The following HECTD4 variants were observed in gnomAD, a reference collection of about 807,000 sequenced individuals.
HECTD4 encodes the protein probable E3 ubiquitin-protein ligase HECTD4.
Under a neutral mutation model 471.5 loss-of-function variants are expected in HECTD4, and 114 were observed. That is an observed-to-expected ratio of 0.24 (90% CI 0.21 to 0.28). The LOEUF (loss-of-function observed/expected upper bound fraction) is 0.28. HECTD4 is among the 10% of genes least tolerant of loss of function. HECTD4 has a pLI of 1.00. For missense variants in HECTD4, 3,866 were observed against 5,651.5 expected, an observed-to-expected ratio of 0.68 and a Z score of 10.13; for synonymous variants, 2,012 against 2,256.0, an observed-to-expected ratio of 0.89 and a Z score of 3.07.
At chr12:112,265,094 T>C (rs2034237668) in intron 16 of HECTD4, 81 bp downstream of exon 16, 9 of 1,317,934 alleles carry the variant, frequency 6.8e-6, no homozygotes, top group Non-Finnish European at 9.4e-6. Flanking sequence ...TCTGTATGTA[T>C]ACACACACCT....
At chr12:112,290,886 A>G (rs1422268636) in intron 7 of HECTD4, among the ~76,000 whole-genome samples, 1 of 151,582 alleles carries the variant, frequency 6.6e-6, no homozygotes, top group East Asian at 2.0e-4. Flanking sequence ...CAAATCACAG[A>G]TAGTTTTGGA....
At position 112,279,333 on chromosome 12, in the gene HECTD4, T is replaced by C; in HGVS notation, c.1582A>G (p.Thr528Ala). The C allele has an allele frequency of 6.2e-7, 1 of 1,612,518 alleles. No homozygotes were observed. The highest frequency in any genetic ancestry group is 8.5e-7 in the Non-Finnish European group (1 of 1,179,590). ...AGCATCACCAAGTAGGTGCCACAGG[T>C]ATATATGGGTGTCTTCCGCAGCATT... ...LKMLRKTPIYTCGTYLVMLVP... is the reference protein window; with the variant it reads ...LKMLRKTPIYACGTYLVMLVP... Residue 528 changes from threonine (T) to alanine (A), a missense_variant, in exon 9 of 76, where the codon ACC (threonine) becomes GCC (alanine). Transcript: ENST00000682272.
At chr12:112,360,789 G>C (rs1594074280) in intron 1 of HECTD4, among the ~76,000 whole-genome samples, 1 of 152,070 alleles carries the variant, frequency 6.6e-6, no homozygotes, top group East Asian at 1.9e-4. Context: ...TTCGAGACCA[G>C]CCTGGCCAAC....
chr12:112,174,922 T>G (rs997725344), intron 66 of HECTD4, among the ~76,000 whole-genome samples: 6 of 152,138 alleles, frequency 3.9e-5, no homozygotes, highest in African/African-American at 1.4e-4. Context: ...TGTGTGTGTA[T>G]GTGCACACGT....
chr12:112,330,074 C>T (rs2035817860), intron 1 of HECTD4, among the ~76,000 whole-genome samples: 1 of 152,026 alleles, frequency 6.6e-6, no homozygotes, highest in Non-Finnish European at 1.5e-5. Context: ...GTCAGGAGAT[C>T]GAGACCAGCC....
intron 1 of HECTD4, among the ~76,000 whole-genome samples, chr12:112,366,536 C>A (rs1015494402): frequency 6.6e-6 from 1 of 151,338 alleles, no homozygotes; most frequent in African/African-American, 2.4e-5. Flanking sequence ...AGACATTGTT[C>A]TTTTTTGAAA....
At chr12:112,346,823 G>A (rs1028607311) in intron 1 of HECTD4, among the ~76,000 whole-genome samples, 1 of 152,102 alleles carries the variant, frequency 6.6e-6, no homozygotes, top group African/African-American at 2.4e-5. Context: ...TTTAAAATAC[G>A]AGAAAAGGAG....
intron 64 of HECTD4, 137 bp from the exon 65 acceptor site, chr12:112,176,839 C>A: frequency 1.5e-6 from 1 of 676,786 alleles, no homozygotes; most frequent in Non-Finnish European, 2.6e-6. Flanking sequence ...CGGGGGCGTT[C>A]AAGACCGCCT....
At chr12:112,231,940 C>G (rs922124593) in intron 38 of HECTD4, among the ~76,000 whole-genome samples, 1 of 152,026 alleles carries the variant, frequency 6.6e-6, no homozygotes, top group Non-Finnish European at 1.5e-5. Context: ...TTCTGGCATA[C>G]GTATCACAGG....
At chr12:112,205,419 G>C (rs1040364029) in intron 52 of HECTD4, among the ~76,000 whole-genome samples, 4 of 152,108 alleles carry the variant, frequency 2.6e-5, no homozygotes, top group Non-Finnish European at 5.9e-5. Context: ...GGGAGACAGA[G>C]CAAGTAGCAC....
chr12:112,179,267 C>G lies in HECTD4; in HGVS notation c.11118G>C (p.Glu3706Asp). Residue 3706 changes from glutamate (E) to aspartate (D), a missense_variant, in exon 63 of 76, where the codon GAG (glutamate) becomes GAC (aspartate). By Grantham distance (45) the Glu-to-Asp change is conservative. This residue lies in a region of HECTD4 where 715 missense variants were observed against 1,087.6 expected (regional missense o/e 0.66). Coordinates refer to ENST00000682272, the MANE Select transcript of HECTD4 (RefSeq NM_001388303.1). This position sits in a 1 kb window ranked among gnomAD's most constrained non-coding sequence, Gnocchi z 4.3. The part of the protein sequence containing the change: ...IRVSDIYLSK[E>D]QINSQTPGNL... ...TGCCTGGGGTCTGGGAGTTGATCTGCTCTTTGCTAAGATAAATGTCAGAGA... is the reference window on the plus strand; with the variant it reads ...TGCCTGGGGTCTGGGAGTTGATCTGGTCTTTGCTAAGATAAATGTCAGAGA... The G allele has an allele frequency of 6.2e-7, 1 of 1,613,638 alleles. No individual in the cohort carries two copies. Among genetic ancestry groups the G allele is most frequent in the Non-Finnish European group, 8.5e-7 (1 of 1,179,754 alleles).
At position 112,200,787 on chromosome 12, in the gene HECTD4, C is replaced by T. The variant is rs746643151; in HGVS notation, c.8418G>A (p.Leu2806=). The part of the protein sequence containing the change: ...VVLDVDSVNE[L]VQVETYLRSE... ...TGCGGAGGTACGTTTCTACCTGCACCAGTTCATTCACCTACAATAGGAAAA... is the reference window on the plus strand; with the variant it reads ...TGCGGAGGTACGTTTCTACCTGCACTAGTTCATTCACCTACAATAGGAAAA... The change falls in exon 55 of 76, where the codon CTG becomes CTA. Residue 2806 remains leucine, a synonymous_variant. Coordinates refer to ENST00000682272, the MANE Select transcript of HECTD4 (RefSeq NM_001388303.1). 1.2e-6 allele frequency: 2 copies of T among 1,612,188 alleles called. No homozygotes were observed. The highest frequency in any genetic ancestry group is 2.2e-5 in the South Asian group (2 of 90,976).
intron 62 of HECTD4, among the ~76,000 whole-genome samples, chr12:112,181,000 G>A (rs2031649803): frequency 1.3e-5 from 2 of 151,700 alleles, no homozygotes; most frequent in Admixed American, 6.6e-5. Context: ...GGTGGCTCAC[G>A]CTTGTAGTCC....
chr12:112,193,680 G>A lies in HECTD4; in HGVS notation c.8750-6C>T. 1 of 1,607,690 alleles carries A rather than the reference G, an allele frequency of 6.2e-7. No individual in the cohort carries two copies. The highest frequency in any genetic ancestry group is 8.5e-7 in the Non-Finnish European group (1 of 1,177,028). On this transcript the variant is annotated splice_polypyrimidine_tract_variant and splice_region_variant and intron_variant, in intron 56 of 75. Transcript: ENST00000682272. The surrounding 1 kb of genome is among the most constrained non-coding windows in gnomAD (Gnocchi z 5.2). ...GCTGGAGCTGATGGTGCCGTCTGGG[G>A]ACGGAAAGGAAACAGAAGTTGACAA...
chr12:112,215,762 C>T (rs757483856), intron 48 of HECTD4, among the ~76,000 whole-genome samples: 2 of 152,212 alleles, frequency 1.3e-5, no homozygotes, highest in Non-Finnish European at 2.9e-5. Flanking sequence ...GCCTCAGCCT[C>T]TCGAGTAGCT....
Position 112,265,996 on chromosome 12 carries a change from A to G in HECTD4, c.2393-13T>C, listed in dbSNP as rs754267247. 6.3e-7 allele frequency: 1 copy of G among 1,586,122 alleles called. No homozygotes were observed. The highest frequency in any genetic ancestry group is 8.7e-7 in the Non-Finnish European group (1 of 1,155,808). ...CTGTTTCTCTCTCCTAACACAGAAG[A>G]AAGCTCCATCAACTACCCTGGTAAT... is the stretch of plus-strand genomic sequence containing the variant. On this transcript the variant is annotated splice_polypyrimidine_tract_variant and intron_variant, in intron 14 of 75. Coordinates refer to ENST00000682272, the MANE Select transcript of HECTD4 (RefSeq NM_001388303.1).
intron 1 of HECTD4, among the ~76,000 whole-genome samples, chr12:112,378,783 C>T (rs1307754913): frequency 6.6e-6 from 1 of 152,138 alleles, no homozygotes; most frequent in Non-Finnish European, 1.5e-5. Flanking sequence ...GTGGCTCACG[C>T]CTGTAATCCC....
Position 112,235,240 on chromosome 12 carries a change from C to A in HECTD4, c.5752G>T (p.Ala1918Ser). 6.2e-7 allele frequency: 1 copy of A among 1,613,664 alleles called. No homozygotes were observed. The change falls in exon 37 of 76, where the codon GCT becomes TCT. Residue 1918 changes from alanine to serine, a missense_variant. Coordinates refer to ENST00000682272, the MANE Select transcript of HECTD4 (RefSeq NM_001388303.1). The surrounding 1 kb of genome is among the most constrained non-coding windows in gnomAD (Gnocchi z 5.0). ...GTCAATGTGGTGTCAGGTTCAGAAG[C>A]GGTTGGAGAAAGAACTGTCTGACAT... ...PGCQTVLSPT[A>S]SEPDTTLTKT...
Position 112,226,771 on chromosome 12 carries a change from A to G in HECTD4, c.6855-13T>C, listed in dbSNP as rs746851777. On this transcript the variant is annotated splice_polypyrimidine_tract_variant and intron_variant, in intron 43 of 75. Coordinates refer to ENST00000682272, the MANE Select transcript of HECTD4 (RefSeq NM_001388303.1). The stretch of plus-strand genomic sequence containing the variant: ...GACCAGGCATGCTCTTAATGTTAAA[A>G]GATTTACAATATTTCAAAGTCATCA... 2 of 1,568,422 alleles carry G rather than the reference A, an allele frequency of 1.3e-6. No homozygotes were observed.
Sources: allele counts gnomAD v4.1 joint callset (sites outside exome capture counted in the v4.1 genomes callset), GRCh38; gene constraint gnomAD v4.1.1; regional missense constraint gnomAD v4.1.1; non-coding constraint Gnocchi (gnomAD v3.1); transcripts MANE v1.5; gene names NCBI Gene and HGNC (gene_info 2026-07-23, HGNC 2026-07-21).